The following GBE1 variants were observed in gnomAD, a reference collection of about 807,000 sequenced individuals.
GBE1 encodes the protein 1,4-alpha-glucan branching enzyme 1.
GBE1 carries 70 observed loss-of-function variants against 88.8 expected under a neutral mutation model. The ratio of observed to expected loss-of-function variants is 0.79; its 90% CI spans 0.65 to 0.96. GBE1 has a LOEUF of 0.96. Ranked by LOEUF, GBE1 falls within the 40% of genes least tolerant of loss-of-function variation. GBE1 has a pLI of 0.00. For synonymous variants in GBE1, 284 were observed against 300.1 expected, an observed-to-expected ratio of 0.95 and a Z score of 0.56; for missense variants, 872 against 871.0, an observed-to-expected ratio of 1.00 and a Z score of -0.01.
chr3:81,550,825 C>T (rs1703262007), intron 12 of GBE1, among the ~76,000 whole-genome samples: 1 of 152,176 alleles, frequency 6.6e-6, no homozygotes, highest in Admixed American at 6.5e-5. Flanking sequence ...CCTTGTTTAG[C>T]AAATAATCAA....
intron 14 of GBE1, among the ~76,000 whole-genome samples, chr3:81,514,353 TTA>T (rs574046118): frequency 1.4e-3 from 215 of 151,792 alleles, no homozygotes; most frequent in African/African-American, 5.0e-3. Flanking sequence ...TTTCATTCAG[TTA>T]TATGTTAATT....
intron 2 of GBE1, among the ~76,000 whole-genome samples, chr3:81,696,801 T>A (rs1338970913): frequency 1.3e-5 from 2 of 152,134 alleles, no homozygotes; most frequent in East Asian, 3.9e-4. Context: ...TAAAAAGCAA[T>A]ATGAGGCTAG....
At chr3:81,535,932 C>T (rs1479381959) in intron 13 of GBE1, among the ~76,000 whole-genome samples, 1 of 151,902 alleles carries the variant, frequency 6.6e-6, no homozygotes, top group Non-Finnish European at 1.5e-5. Context: ...TTACAGTTGG[C>T]TGTGAAAAGC....
At chr3:81,631,884 G>A (rs11127737) in intron 7 of GBE1, among the ~76,000 whole-genome samples, 97,040 of 151,988 alleles carry the variant, frequency 0.64, 32,430 homozygotes, top group East Asian at 0.94. Flanking sequence ...TACATGTGCC[G>A]TGGTCATCTA....
chr3:81,746,990 C>T (rs1706427470), intron 1 of GBE1, among the ~76,000 whole-genome samples: 1 of 152,130 alleles, frequency 6.6e-6, no homozygotes, highest in African/African-American at 2.4e-5. Flanking sequence ...CTTCTCAATA[C>T]AAGTTTGTCA....
intron 3 of GBE1, among the ~76,000 whole-genome samples, chr3:81,665,304 C>T (rs942909911): frequency 2.0e-5 from 3 of 151,926 alleles, no homozygotes; most frequent in South Asian, 2.1e-4. Flanking sequence ...GAGGCTGAGG[C>T]GGGCGGATCA....
At chr3:81,676,580 A>C (rs1705255254) in intron 2 of GBE1, among the ~76,000 whole-genome samples, 1 of 152,074 alleles carries the variant, frequency 6.6e-6, no homozygotes, top group Admixed American at 6.6e-5. Flanking sequence ...TCTCTTACTA[A>C]AGAAGGTCTT....
chr3:81,667,760 A>G lies in GBE1; in HGVS notation c.429+3078T>C, dbSNP rs530957452. On this transcript the variant is annotated intron_variant, in intron 3 of 15. Coordinates refer to ENST00000429644, the MANE Select transcript of GBE1 (RefSeq NM_000158.4). ...TGATGGATTACATTAGTTGATTTGC[A>G]TATGTTGAACCAGCCTTGCATCCCG... Among the ~76,000 whole-genome samples, 13 of 152,228 alleles carry G rather than the reference A, an allele frequency of 8.5e-5. No individual in the cohort carries two copies. The East Asian group carries it at 2.5e-3, about 29-fold the overall frequency.
Position 81,537,026 on chromosome 3 carries a change from G to A in GBE1, c.1688C>T (p.Ala563Val), listed in dbSNP as rs1313202468. Residue 563 changes from alanine to valine, a missense_variant, in exon 13 of 16, where the codon GCC becomes GTC. By Grantham distance (64) the Ala-to-Val change is moderately conservative. Coordinates refer to ENST00000429644, the MANE Select transcript of GBE1 (RefSeq NM_000158.4). ...RKGNNESYHY[A>V]RRQFHLTDDD... ...GTCAGTTAAATGAAACTGCCGCCTG[G>A]CATAATGGTAACTCTCATTATTTCC... 1.3e-6 allele frequency: 2 copies of A among 1,586,310 alleles called. No homozygotes were observed. The highest frequency in any genetic ancestry group is 2.7e-5 in the African/African-American group (2 of 73,102).
rs147132816 is a variant in GBE1, at chr3:81,740,265, G to A, written c.143+21110C>T. 5.1e-5 allele frequency among the ~76,000 whole-genome samples: 7 copies of A among 136,228 alleles called. No individual in the cohort carries two copies. The East Asian group carries it at 1.8e-3, about 34-fold the overall frequency. 89.4% of individuals were successfully genotyped at this position (136,228 alleles called of 152,430 possible). On this transcript the variant is annotated intron_variant, in intron 1 of 15. Coordinates refer to ENST00000429644, the MANE Select transcript of GBE1 (RefSeq NM_000158.4). ...TAGATTAACCAATACATATTACAGT[G>A]TATTGGTTATTTATTATTTAATCTA...
intron 7 of GBE1, among the ~76,000 whole-genome samples, chr3:81,608,201 A>G (rs1361737183): frequency 2.6e-5 from 4 of 152,140 alleles, no homozygotes; most frequent in South Asian, 2.1e-4. Flanking sequence ...CTGATTTCCA[A>G]TAAGAAGGAA....
At chr3:81,520,188 GTGCTT>G (rs1485699622) in intron 14 of GBE1, among the ~76,000 whole-genome samples, 1 of 151,446 alleles carries the variant, frequency 6.6e-6, no homozygotes, top group African/African-American at 2.4e-5. Flanking sequence ...TCACTTTATT[GTGCTT>G]TGCAGATACT....
intron 14 of GBE1, among the ~76,000 whole-genome samples, chr3:81,528,683 G>T (rs557916610): frequency 6.6e-6 from 1 of 151,910 alleles, no homozygotes; most frequent in Non-Finnish European, 1.5e-5. Flanking sequence ...ATATCTAGTT[G>T]TTATATTCTC....
intron 3 of GBE1, among the ~76,000 whole-genome samples, chr3:81,654,223 ATTAAC>A (rs1429063460): frequency 6.6e-6 from 1 of 152,214 alleles, no homozygotes; most frequent in Non-Finnish European, 1.5e-5. Context: ...TAAAAGTCAA[ATTAAC>A]TTAGTGAATG....
chr3:81,509,480 C>T (rs1022346220), intron 14 of GBE1: 3 of 151,774 alleles, frequency 2.0e-5, no homozygotes, highest in Admixed American at 1.3e-4. Context: ...TACATTTTTG[C>T]TTCTCAGCCT....
chr3:81,511,028 A>T (rs191459376), intron 14 of GBE1, among the ~76,000 whole-genome samples: 224 of 152,110 alleles, frequency 1.5e-3, no homozygotes, highest in African/African-American at 5.2e-3. Context: ...TTAAATATAG[A>T]TAATTTTTAT....
intron 7 of GBE1, among the ~76,000 whole-genome samples, chr3:81,628,815 C>A (rs1441531298): frequency 1.7e-5 from 2 of 117,484 alleles, no homozygotes; most frequent in South Asian, 3.0e-4. Context: ...TTATTTATTT[C>A]ATCTTAATCC....
In GBE1 at chr3:81,704,907, T is replaced by C. The variant is rs544470030; in HGVS notation, c.313+537A>G. Among the ~76,000 whole-genome samples, 4 of 152,126 alleles carry C rather than the reference T, an allele frequency of 2.6e-5. No homozygotes were observed. The East Asian group carries it at 5.8e-4, about 22-fold the overall frequency. On this transcript the variant is annotated intron_variant, in intron 2 of 15. Coordinates refer to ENST00000429644, the MANE Select transcript of GBE1 (RefSeq NM_000158.4). ...TGTCTAGTGGAGTTAACAGTGCAAA[T>C]GACAATGCTGACAAGATATTTCCCA...
intron 7 of GBE1, among the ~76,000 whole-genome samples, chr3:81,619,227 A>G (rs1386639935): frequency 1.3e-5 from 2 of 152,138 alleles, no homozygotes; most frequent in Admixed American, 6.5e-5. Context: ...TATTCATTCT[A>G]TAAAAAAAAT....
Sources: gnomAD v4.1 joint callset for allele counts (sites outside exome capture counted in the v4.1 genomes callset) on GRCh38, gnomAD v4.1.1 for gene constraint, MANE v1.5 for transcripts, NCBI Gene and HGNC (gene_info 2026-07-23, HGNC 2026-07-21) for gene names.